Variants in CHRNA7 observed in about 807,000 individuals in gnomAD.
CHRNA7 encodes the protein neuronal acetylcholine receptor subunit alpha-7.
A neutral mutation model predicts 48.0 loss-of-function variants in CHRNA7; 17 were observed. The ratio of observed to expected loss-of-function variants is 0.35; its 90% CI spans 0.24 to 0.53. CHRNA7 has a LOEUF of 0.53. Ranked by LOEUF, CHRNA7 falls within the 20% of genes least tolerant of loss-of-function variation. CHRNA7 has a pLI of 0.92. For synonymous variants in CHRNA7, 75 were observed against 242.3 expected (o/e 0.31, Z 6.41); for missense variants, 155 against 577.7 (o/e 0.27, Z 7.50).
chr15:32,158,289 C>CGTT, intron 6 of CHRNA7, 123 bp from the exon 7 acceptor site: 1 of 522,138 alleles, frequency 1.9e-6, no homozygotes. Flanking sequence ...CAACCCCCCC[C>CGTT]TTTTTTTTTT....
chr15:32,135,207 G>T (rs1390649658), intron 4 of CHRNA7, among the ~76,000 whole-genome samples: 1 of 152,192 alleles, frequency 6.6e-6, no homozygotes. Context: ...GGCTAGAATA[G>T]TAGAAGGCAA....
chr15:32,062,152 TA>T lies in CHRNA7; in HGVS notation c.195+31116del, dbSNP rs570788762. ...TGCATATCTTGAAATAAAATGCTTA[TA>T]TTACCACTTTTTGCTTTAGTTCTGT... On this transcript the variant is annotated intron_variant, in intron 2 of 9. Coordinates refer to ENST00000306901, the MANE Select transcript of CHRNA7 (RefSeq NM_000746.6). 9.8e-5 allele frequency among the ~76,000 whole-genome samples: 15 copies of T among 152,332 alleles called. No homozygotes were observed. The East Asian group carries it at 2.5e-3, about 25-fold the overall frequency.
intron 4 of CHRNA7, chr15:32,112,151 G>T: frequency 1.6e-6 from 1 of 614,432 alleles, no homozygotes; most frequent in Non-Finnish European, 3.0e-6. Flanking sequence ...GAAGTTGTAT[G>T]TTCTCGGGGC....
intron 3 of CHRNA7, among the ~76,000 whole-genome samples, chr15:32,109,511 C>T (rs1269345282): frequency 6.6e-6 from 1 of 152,144 alleles, no homozygotes; most frequent in Non-Finnish European, 1.5e-5. Context: ...ATGGAGTTTC[C>T]CTGGTTTAAA....
chr15:32,138,903 G>A (rs1247300291), intron 4 of CHRNA7, among the ~76,000 whole-genome samples: 2 of 151,978 alleles, frequency 1.3e-5, no homozygotes, highest in Admixed American at 6.6e-5. Flanking sequence ...ACAGGTGCAC[G>A]CCACCACGCC....
intron 4 of CHRNA7, among the ~76,000 whole-genome samples, chr15:32,124,971 TCCAGAACTGTGGAAGATAAATG>T (rs1490731407): frequency 1.3e-5 from 2 of 152,164 alleles, no homozygotes; most frequent in African/African-American, 2.4e-5. Context: ...ACTTACAGGC[TCCAGAACTGTGGAAGATAAATG>T]CCAGAACTGA....
chr15:32,051,749 G>T (rs2049687026), intron 2 of CHRNA7, among the ~76,000 whole-genome samples: 1 of 152,182 alleles, frequency 6.6e-6, no homozygotes, highest in Non-Finnish European at 1.5e-5. Flanking sequence ...CATTGCTCAG[G>T]CTGGGAGCTG....
chr15:32,111,919 G>A lies in CHRNA7; in HGVS notation c.350+20G>A. 1 of 1,382,108 alleles carries A rather than the reference G, an allele frequency of 7.2e-7. No individual in the cohort carries two copies. Among genetic ancestry groups the A allele is most frequent in the African/African-American group, 1.4e-5 (1 of 70,166 alleles). 85.6% of individuals were successfully genotyped at this position (1,382,108 alleles called of 1,614,324 possible). A position where few individuals can be genotyped will look rare whatever the true frequency, so the allele number is the denominator to read the frequency against. The stretch of plus-strand genomic sequence containing the variant: ...TAACAGGTAAGCATATTGAACAAAG[G>A]AAAAAAATGATTTTATGCTTGCATA... On this transcript the variant is annotated intron_variant, in intron 4 of 9. Coordinates refer to ENST00000306901, the MANE Select transcript of CHRNA7 (RefSeq NM_000746.6).
chr15:32,151,594 T>C (rs2051630842), intron 4 of CHRNA7, among the ~76,000 whole-genome samples: 1 of 152,212 alleles, frequency 6.6e-6, no homozygotes, highest in Non-Finnish European at 1.5e-5. Flanking sequence ...TCCTCTACGC[T>C]GTCTTCTTTC....
chr15:32,128,198 G>A (rs753968392), intron 4 of CHRNA7, among the ~76,000 whole-genome samples: 6 of 151,794 alleles, frequency 4.0e-5, no homozygotes, highest in African/African-American at 7.3e-5. Flanking sequence ...TGCTTTCATC[G>A]TATAGTAACG....
chr15:32,055,808 T>C (rs2049777450), intron 2 of CHRNA7, among the ~76,000 whole-genome samples: 1 of 151,990 alleles, frequency 6.6e-6, no homozygotes, highest in Non-Finnish European at 1.5e-5. Context: ...TGAAACCCTG[T>C]CTCTACTAAA....
intron 4 of CHRNA7, among the ~76,000 whole-genome samples, chr15:32,120,454 C>A (rs1221006071): frequency 6.6e-6 from 1 of 151,242 alleles, no homozygotes. Flanking sequence ...TTTTCTGAAG[C>A]TGCTGTGGGG....
chr15:32,079,523 CATGA>C (rs529352740), intron 2 of CHRNA7, among the ~76,000 whole-genome samples: 3 of 152,102 alleles, frequency 2.0e-5, no homozygotes, highest in Non-Finnish European at 4.4e-5. Flanking sequence ...AGAGCCAAAT[CATGA>C]ATGAACTCCC....
At chr15:32,086,179 C>G (rs1163802806) in intron 2 of CHRNA7, among the ~76,000 whole-genome samples, 2 of 151,910 alleles carry the variant, frequency 1.3e-5, no homozygotes, top group Admixed American at 1.3e-4. Context: ...ACCATCCTGG[C>G]TAACATGGTG....
intron 4 of CHRNA7, among the ~76,000 whole-genome samples, chr15:32,152,807 G>A (rs2051658540): frequency 6.6e-6 from 1 of 152,114 alleles, no homozygotes. Flanking sequence ...TCTCCAAGGG[G>A]CCTCCAGAGT....
intron 4 of CHRNA7, among the ~76,000 whole-genome samples, chr15:32,147,817 GGT>G (rs1202199740): frequency 2.0e-5 from 3 of 152,014 alleles, no homozygotes; most frequent in African/African-American, 7.3e-5. Context: ...TTTATGACAG[GGT>G]GTGTCTCTCC....
intron 2 of CHRNA7, among the ~76,000 whole-genome samples, chr15:32,047,684 T>C (rs1006660093): frequency 2.0e-5 from 3 of 152,114 alleles, no homozygotes; most frequent in African/African-American, 7.2e-5. Flanking sequence ...GCCTGATTGC[T>C]CCGGCCAGAA....
chr15:32,109,690 CCTAG>C (rs1354119117), intron 3 of CHRNA7, among the ~76,000 whole-genome samples: 1 of 152,162 alleles, frequency 6.6e-6, no homozygotes, highest in Non-Finnish European at 1.5e-5. Context: ...ACTAAAACAT[CCTAG>C]CTTTCTGAAC....
chr15:32,038,948 A>C (rs1431629886), intron 2 of CHRNA7, among the ~76,000 whole-genome samples: 2 of 152,204 alleles, frequency 1.3e-5, no homozygotes, highest in Non-Finnish European at 2.9e-5. Flanking sequence ...TCTGATAGAT[A>C]TAGGCCCATT....
Sources: allele counts gnomAD v4.1 joint callset (sites outside exome capture counted in the v4.1 genomes callset), GRCh38; gene constraint gnomAD v4.1.1; transcripts MANE v1.5; gene names NCBI Gene and HGNC (gene_info 2026-07-23, HGNC 2026-07-21).